The following FRMPD4 variants were observed in gnomAD, a reference collection of about 807,000 sequenced individuals.
FRMPD4 encodes the protein FERM and PDZ domain containing 4.
A neutral mutation model predicts 94.1 loss-of-function variants in FRMPD4; 22 were observed. That is an observed-to-expected ratio of 0.23 (90% CI 0.17 to 0.33). The LOEUF is 0.33. Ranked by LOEUF, FRMPD4 falls within the 10% of genes least tolerant of loss-of-function variation. The probability of loss-of-function intolerance (pLI) is 1.00; values close to 1 mark genes in which losing one functional copy is unlikely to be tolerated. For missense variants in FRMPD4, 1,111 were observed against 1,339.9 expected, an observed-to-expected ratio of 0.83 and a Z score of 2.67; for synonymous variants, 631 against 548.6, an observed-to-expected ratio of 1.15 and a Z score of -2.10.
At chrX:12,409,169 T>C (rs2056701978) in intron 1 of FRMPD4, among the ~76,000 whole-genome samples, 1 of 111,795 alleles carries the variant, frequency 8.9e-6, no homozygotes, top group Non-Finnish European at 1.9e-5. Context: ...AAGCCATTGC[T>C]CTCTGGTGGA....
At chrX:12,248,452 T>C (rs370912961) in intron 1 of FRMPD4, among the ~76,000 whole-genome samples, 1 of 112,440 alleles carries the variant, frequency 8.9e-6, no homozygotes, top group East Asian at 2.8e-4. Flanking sequence ...TCCAAGCAAC[T>C]AACATGCTAA....
At chrX:12,618,468 T>A (rs1470258101) in intron 4 of FRMPD4, among the ~76,000 whole-genome samples, 2 of 111,524 alleles carry the variant, frequency 1.8e-5, no homozygotes, top group Non-Finnish European at 3.8e-5. Context: ...TTGGTAGGAA[T>A]GTTTGGTGGA....
In FRMPD4 at chrX:12,668,597, CT is replaced by C. The variant is rs61675840; in HGVS notation, c.423-6244del. On this transcript the variant is annotated intron_variant, in intron 4 of 16. Transcript: ENST00000675598. ...GAGGTTAAGTCATGAATGGAAACTA[CT>C]TTTTTTTTTTTTTTTTTTTTTGTGA... Among the ~76,000 whole-genome samples, 459 of 71,569 alleles carry C rather than the reference CT, an allele frequency of 6.4e-3. 2 individuals are homozygous for C. The highest frequency in any genetic ancestry group is 0.023 in the African/African-American group (403 of 17,487). 62.1% of individuals were successfully genotyped at this position (71,569 alleles called of 115,157 possible).
At chrX:12,482,963 G>A (rs1426456110) in intron 1 of FRMPD4, among the ~76,000 whole-genome samples, 1 of 111,919 alleles carries the variant, frequency 8.9e-6, no homozygotes, top group African/African-American at 3.2e-5. Flanking sequence ...AATTAAACCA[G>A]AATAATAAGT....
intron 1 of FRMPD4, among the ~76,000 whole-genome samples, chrX:12,477,243 G>A (rs189117157): frequency 3.8e-4 from 42 of 111,147 alleles, no homozygotes; most frequent in African/African-American, 1.3e-3. Context: ...CTCGTAGGTG[G>A]GGATTGTATA....
chrX:12,191,787 A>G (rs974675722), intron 1 of FRMPD4, among the ~76,000 whole-genome samples: 2 of 111,662 alleles, frequency 1.8e-5, no homozygotes, highest in African/African-American at 6.5e-5. Flanking sequence ...AGGGCAGTGA[A>G]ACTACTCTGT....
chrX:11,997,089 CAAAAGGGGATTT>C (rs1349995246), intron 3 of FRMPD4, among the ~76,000 whole-genome samples: 1 of 110,864 alleles, frequency 9.0e-6, no homozygotes, highest in African/African-American at 3.3e-5. Flanking sequence ...GCCTGGGATG[CAAAAGGGGATTT>C]AACTATTTGG....
chrX:11,830,734 C>T (rs1024897722), intron 1 of FRMPD4, among the ~76,000 whole-genome samples: 3 of 111,761 alleles, frequency 2.7e-5, no homozygotes, highest in Non-Finnish European at 5.7e-5. Context: ...TACCCTCCCC[C>T]GTCATGTCAG....
At chrX:12,014,874 C>T (rs973415811) in intron 3 of FRMPD4, among the ~76,000 whole-genome samples, 1 of 111,314 alleles carries the variant, frequency 9.0e-6, no homozygotes, top group African/African-American at 3.3e-5. Flanking sequence ...ATATAAGGAT[C>T]TAAAGGTGGA....
rs2056533291 is a variant in FRMPD4, at chrX:12,193,838, G to GAAAGAAAAGA, written c.41+54829_41+54838dup. On this transcript the variant is annotated intron_variant, in intron 1 of 16. Coordinates refer to ENST00000675598, the MANE Select transcript of FRMPD4 (RefSeq NM_001368397.1). Reference sequence around the variant, plus strand: ...AGGAAGGAAGGAAGGAGGGAAGGAAGAAAGAAAAGAAAGAAAAAGGAAGGA... The same window carrying GAAAGAAAAGA: ...AGGAAGGAAGGAAGGAGGGAAGGAAGAAAGAAAAGAAAAGAAAAGAAAGAAAAAGGAAGGA... 8.3e-5 allele frequency among the ~76,000 whole-genome samples: 5 copies of GAAAGAAAAGA among 59,961 alleles called. 1 individual carries two copies. The East Asian group carries it at 3.0e-3, about 36-fold the overall frequency. 52.1% of individuals were successfully genotyped at this position (59,961 alleles called of 115,157 possible).
intron 3 of FRMPD4, among the ~76,000 whole-genome samples, chrX:11,908,788 T>G (rs1348126893): frequency 2.7e-5 from 3 of 111,965 alleles, no homozygotes; most frequent in Non-Finnish European, 3.8e-5. Flanking sequence ...TTGAAATGAT[T>G]ATTGTTAGTT....
intron 1 of FRMPD4, among the ~76,000 whole-genome samples, chrX:12,308,918 C>G (rs2054987942): frequency 8.8e-6 from 1 of 113,006 alleles, no homozygotes; most frequent in Non-Finnish European, 1.9e-5. Flanking sequence ...GTCGAAAGGG[C>G]TTTTCTTCCC....
intron 1 of FRMPD4, among the ~76,000 whole-genome samples, chrX:12,409,666 CAGA>C (rs1213816298): frequency 8.9e-6 from 1 of 112,113 alleles, no homozygotes; most frequent in African/African-American, 3.2e-5. Flanking sequence ...TAATGAAATG[CAGA>C]AGAATAGTTT....
At chrX:12,164,018 T>C (rs2056070426) in intron 1 of FRMPD4, among the ~76,000 whole-genome samples, 1 of 111,662 alleles carries the variant, frequency 9.0e-6, no homozygotes. Flanking sequence ...TTATTTATTT[T>C]ATTTTTTATT....
chrX:12,401,428 T>C (rs1423252058), intron 1 of FRMPD4, among the ~76,000 whole-genome samples: 1 of 110,754 alleles, frequency 9.0e-6, no homozygotes, highest in African/African-American at 3.3e-5. Flanking sequence ...TCTTGGAAGG[T>C]TGAGTGAGGA....
intron 2 of FRMPD4, among the ~76,000 whole-genome samples, chrX:12,597,640 A>C (rs1248737391): frequency 8.9e-6 from 1 of 112,667 alleles, no homozygotes; most frequent in Non-Finnish European, 1.9e-5. Context: ...TGTGCATTCC[A>C]TTTAATGTTT....
chrX:11,842,842 T>A (rs2053546350), intron 1 of FRMPD4, among the ~76,000 whole-genome samples: 1 of 106,353 alleles, frequency 9.4e-6, no homozygotes, highest in Non-Finnish European at 1.9e-5. Flanking sequence ...TCATAGGGAA[T>A]GCTTCCAGTT....
intron 1 of FRMPD4, among the ~76,000 whole-genome samples, chrX:12,230,919 CT>C (rs1426768165): frequency 8.4e-4 from 65 of 77,769 alleles, no homozygotes; most frequent in Non-Finnish European, 9.7e-4. Context: ...ATATATATTA[CT>C]ATATTACTAT....
At chrX:12,323,524 A>G (rs1002442659) in intron 1 of FRMPD4, among the ~76,000 whole-genome samples, 1 of 111,746 alleles carries the variant, frequency 8.9e-6, no homozygotes, top group Admixed American at 9.5e-5. Context: ...GGCACTAGGG[A>G]GCCAGCCTCA....
Sources: gnomAD v4.1 joint callset for allele counts (sites outside exome capture counted in the v4.1 genomes callset) on GRCh38, gnomAD v4.1.1 for gene constraint, MANE v1.5 for transcripts, NCBI Gene and HGNC (gene_info 2026-07-23, HGNC 2026-07-21) for gene names.